Variants in PHTF2 observed in about 807,000 individuals in gnomAD.
PHTF2 encodes the protein protein PHTF2.
In PHTF2, 60 loss-of-function variants were observed where a neutral mutation model predicts 101.2. The ratio of observed to expected loss-of-function variants is 0.59; its 90% CI spans 0.48 to 0.73. The LOEUF (loss-of-function observed/expected upper bound fraction) is 0.73, where lower values mean the gene tolerates loss of function less well. Among genes scored for constraint, PHTF2 ranks in the 30% least tolerant of loss-of-function variants. The pLI, the probability that PHTF2 is intolerant of heterozygous loss-of-function variation, is 0.00. For synonymous variants in PHTF2, 311 were observed against 307.3 expected (o/e 1.01, Z -0.13); for missense variants, 747 against 908.7 (o/e 0.82, Z 2.29).
At chr7:77,857,262 T>C (rs1797258256) in intron 3 of PHTF2, among the ~76,000 whole-genome samples, 1 of 152,176 alleles carries the variant, frequency 6.6e-6, no homozygotes, top group Non-Finnish European at 1.5e-5. Flanking sequence ...TGTTACTGTA[T>C]TGGAGAAAGT....
intron 1 of PHTF2, among the ~76,000 whole-genome samples, chr7:77,801,079 G>T (rs1792506652): frequency 6.6e-6 from 1 of 152,142 alleles, no homozygotes; most frequent in Admixed American, 6.5e-5. Context: ...TGTATAATAG[G>T]CACTGTTGGA....
intron 7 of PHTF2, among the ~76,000 whole-genome samples, chr7:77,907,684 T>C (rs764716688): frequency 6.6e-5 from 10 of 152,170 alleles, no homozygotes; most frequent in Non-Finnish European, 1.3e-4. Flanking sequence ...TGATTAACGT[T>C]TTGGGATGTT....
intron 12 of PHTF2, among the ~76,000 whole-genome samples, chr7:77,932,621 A>AGAGT (rs759880633): frequency 0.056 from 6,583 of 118,436 alleles, 499 homozygotes; most frequent in African/African-American, 0.2. Flanking sequence ...AGAGAGAGAG[A>AGAGT]GTGTGTGTGT....
At chr7:77,936,223 C>T (rs1047747685) in intron 12 of PHTF2, among the ~76,000 whole-genome samples, 3 of 151,946 alleles carry the variant, frequency 2.0e-5, no homozygotes, top group Non-Finnish European at 4.4e-5. Context: ...TAAAAGTTTA[C>T]AAGAAACATT....
At chr7:77,831,857 A>G (rs1480309679) in intron 1 of PHTF2, among the ~76,000 whole-genome samples, 3 of 152,194 alleles carry the variant, frequency 2.0e-5, no homozygotes, top group African/African-American at 4.8e-5. Context: ...AACATTTTGC[A>G]GGATGTGATT....
intron 1 of PHTF2, among the ~76,000 whole-genome samples, chr7:77,824,353 A>C (rs1238225031): frequency 6.6e-6 from 1 of 152,126 alleles, no homozygotes; most frequent in Non-Finnish European, 1.5e-5. Context: ...TGAGTTTATA[A>C]AAAGAATTGA....
At chr7:77,956,996 A>G (rs1210874181) in exon 20 of PHTF2, 1 of 152,216 alleles carries the variant, frequency 6.6e-6, no homozygotes, top group Non-Finnish European at 1.5e-5. Context: ...ATGTTAAGCA[A>G]TTTCAGAACA....
At position 77,951,609 on chromosome 7, in the gene PHTF2, T is replaced by C. The variant is rs1352068843; in HGVS notation, c.2116-8T>C. 8.6e-7 allele frequency: 1 copy of C among 1,164,104 alleles called. No individual in the cohort carries two copies. Among genetic ancestry groups the C allele is most frequent in the Non-Finnish European group, 1.2e-6 (1 of 819,822 alleles). The allele number at this position is 1,164,104 out of a possible 1,614,324, so 72.1% of individuals were successfully genotyped here. On this transcript the variant is annotated splice_region_variant and splice_polypyrimidine_tract_variant and intron_variant, in intron 17 of 19. Transcript: ENST00000416283. ...TAATTTGAAGCATTTCTATTCTTTT[T>C]ATAAAAGATAAACCTCTACTTGAAA...
chr7:77,931,150 G>A (rs1804527969), intron 12 of PHTF2, among the ~76,000 whole-genome samples: 2 of 152,130 alleles, frequency 1.3e-5, no homozygotes, highest in Admixed American at 1.3e-4. Flanking sequence ...AAGGTGAAAA[G>A]CGAAACTTTA....
chr7:77,874,383 A>G (rs1416859925), intron 3 of PHTF2, among the ~76,000 whole-genome samples: 2 of 152,206 alleles, frequency 1.3e-5, no homozygotes, highest in African/African-American at 4.8e-5. Context: ...CTAGAGGGAC[A>G]GAACTAATGG....
At chr7:77,844,379 A>G (rs2150591012) in intron 2 of PHTF2, among the ~76,000 whole-genome samples, 1 of 152,348 alleles carries the variant, frequency 6.6e-6, no homozygotes, top group African/African-American at 2.4e-5. Context: ...GCCAAAAACC[A>G]TCACTTGATT....
intron 9 of PHTF2, among the ~76,000 whole-genome samples, chr7:77,916,121 A>C (rs960577523): frequency 2.6e-5 from 4 of 152,018 alleles, no homozygotes; most frequent in Non-Finnish European, 5.9e-5. Flanking sequence ...ATATATGTTT[A>C]TTTTAAAATC....
intron 3 of PHTF2, among the ~76,000 whole-genome samples, chr7:77,869,109 G>A (rs940827065): frequency 2.6e-5 from 4 of 152,008 alleles, no homozygotes; most frequent in African/African-American, 7.2e-5. Flanking sequence ...AGTTATTGAA[G>A]GTCTTTACAT....
intron 1 of PHTF2, among the ~76,000 whole-genome samples, chr7:77,816,395 T>A (rs910839858): frequency 6.6e-6 from 1 of 152,178 alleles, no homozygotes; most frequent in African/African-American, 2.4e-5. Context: ...TTTAATAGTT[T>A]GCCTGTTTAT....
At chr7:77,899,316 T>A (rs1332710882) in intron 5 of PHTF2, among the ~76,000 whole-genome samples, 1 of 151,840 alleles carries the variant, frequency 6.6e-6, no homozygotes, top group Admixed American at 6.6e-5. Flanking sequence ...CATCACCTTG[T>A]TCGACCTCAG....
intron 3 of PHTF2, among the ~76,000 whole-genome samples, chr7:77,867,814 ACTTAATCTACAG>A (rs966759162): frequency 2.3e-4 from 35 of 152,192 alleles, no homozygotes. Context: ...TAAAGTAAAT[ACTTAATCTACAG>A]CTTGATGCTG....
At chr7:77,871,530 C>A (rs1798515974) in intron 3 of PHTF2, among the ~76,000 whole-genome samples, 1 of 152,192 alleles carries the variant, frequency 6.6e-6, no homozygotes, top group African/African-American at 2.4e-5. Context: ...AAAAATTTTA[C>A]TAGTGTATCA....
In PHTF2 at chr7:77,806,424, T is replaced by C. The variant is rs2150472351; in HGVS notation, c.-36+7453T>C. Among the ~76,000 whole-genome samples the C allele has an allele frequency of 1.3e-5, 2 of 152,352 alleles. 1 individual carries two copies. The highest frequency in any genetic ancestry group is 6.8e-3 in the Middle Eastern group (2 of 294). ...CCTTTATCATTGTGAAATGGACCTC[T>C]TTAATCCTAGTAATATGTTTTGCTC... On this transcript the variant is annotated intron_variant, in intron 1 of 19. Coordinates refer to ENST00000416283, the Ensembl canonical transcript of PHTF2.
chr7:77,823,553 T>A (rs1049276220), intron 1 of PHTF2, among the ~76,000 whole-genome samples: 34 of 152,252 alleles, frequency 2.2e-4, no homozygotes, highest in Admixed American at 2.2e-3. Context: ...AGTGGAGTTA[T>A]TTGAACACCA....
Sources: gnomAD v4.1 joint callset for allele counts (sites outside exome capture counted in the v4.1 genomes callset) on GRCh38, gnomAD v4.1.1 for gene constraint, MANE v1.5 for transcripts, NCBI Gene and HGNC (gene_info 2026-07-23, HGNC 2026-07-21) for gene names.